Variants in FHAD1 observed in about 807,000 individuals in gnomAD.
FHAD1 encodes forkhead-associated domain-containing protein 1.
In FHAD1, 146 loss-of-function variants were observed where a neutral mutation model predicts 191.3. The observed-to-expected ratio is 0.76, with a 90% CI of 0.67 to 0.88. The LOEUF (loss-of-function observed/expected upper bound fraction) is 0.88, where lower values mean the gene tolerates loss of function less well. Ranked by LOEUF, FHAD1 falls within the 40% of genes least tolerant of loss-of-function variation. The pLI is 0.00. For missense variants in FHAD1, 1,635 were observed against 1,785.8 expected (o/e 0.92, Z 1.52); for synonymous variants, 616 against 672.3 (o/e 0.92, Z 1.29).
chr1:15,336,525 C>A (rs1447709018), intron 14 of FHAD1, among the ~76,000 whole-genome samples: 1 of 152,138 alleles, frequency 6.6e-6, no homozygotes, highest in African/African-American at 2.4e-5. Flanking sequence ...TGCACAAATT[C>A]TTCTTTCTTT....
At chr1:15,374,130 A>G (rs547544025) in intron 26 of FHAD1, among the ~76,000 whole-genome samples, 1 of 152,208 alleles carries the variant, frequency 6.6e-6, no homozygotes, top group Non-Finnish European at 1.5e-5. Flanking sequence ...AGAAAGCATC[A>G]TGGGTTCTCA....
intron 3 of FHAD1, among the ~76,000 whole-genome samples, chr1:15,278,822 T>C (rs2101548275): frequency 6.6e-6 from 1 of 152,338 alleles, no homozygotes; most frequent in African/African-American, 2.4e-5. Flanking sequence ...TGTATATGCA[T>C]TTGCATATAT....
intron 26 of FHAD1, among the ~76,000 whole-genome samples, chr1:15,373,533 G>A (rs1041881673): frequency 6.6e-6 from 1 of 151,318 alleles, no homozygotes; most frequent in Non-Finnish European, 1.5e-5. Flanking sequence ...GGTGAAAAAG[G>A]CCTTTCTTTG....
intron 2 of FHAD1, among the ~76,000 whole-genome samples, chr1:15,267,783 AAAT>A (rs199998507): frequency 0.16 from 23,019 of 147,068 alleles, 2,154 homozygotes; most frequent in Middle Eastern, 0.23. Flanking sequence ...ATAATATATA[AAAT>A]AATAATATAA....
downstream of FHAD1, among the ~76,000 whole-genome samples, chr1:15,398,747 C>G (rs1706723510): frequency 6.6e-6 from 1 of 151,650 alleles, no homozygotes; most frequent in Non-Finnish European, 1.5e-5. Context: ...CTCCATCTAT[C>G]CGTGCCCTCA....
At chr1:15,238,250 GAAAAA>G (rs35058576) in intron 1 of FHAD1, among the ~76,000 whole-genome samples, 1 of 96,902 alleles carries the variant, frequency 1.0e-5, no homozygotes, top group African/African-American at 4.0e-5. Flanking sequence ...CCATCTCAAG[GAAAAA>G]AAAAAAAAAA....
chr1:15,367,683 A>T, intron 25 of FHAD1, 61 bp downstream of exon 25: 1 of 1,396,974 alleles, frequency 7.2e-7, no homozygotes. Flanking sequence ...GCCGCTGAGT[A>T]TTGCAGAGAG....
At position 15,375,565 on chromosome 1, in the gene FHAD1, T is replaced by C. The variant is rs751531515; in HGVS notation, c.3578-38T>C. 41 of 1,490,404 alleles carry C rather than the reference T, an allele frequency of 2.8e-5. No homozygotes were observed. In the South Asian group the frequency reaches 4.5e-4, roughly 16 times the overall value. 92.3% of individuals were successfully genotyped at this position (1,490,404 alleles called of 1,614,324 possible). A position where few individuals can be genotyped will look rare whatever the true frequency, so the allele number is the denominator to read the frequency against. ...GTTATTACATGAAACAACTTCTTCC[T>C]GAGCCTTTCTTTTGAGTCTACTTTA... On this transcript the variant is annotated intron_variant, in intron 27 of 33. Coordinates refer to ENST00000688493, the MANE Select transcript of FHAD1 (RefSeq NM_001391957.1).
At chr1:15,397,190 C>CAAA in intron 33 of FHAD1, 107 bp from the exon 34 acceptor site, 2 of 433,580 alleles carry the variant, frequency 4.6e-6, no homozygotes, top group Non-Finnish European at 7.9e-6. Flanking sequence ...GACTCCGTCT[C>CAAA]AAAAAAAAAA....
Position 15,388,145 on chromosome 1 carries a change from T to C in FHAD1, c.4269+14T>C, listed in dbSNP as rs749247633. 191 of 1,283,688 alleles carry C rather than the reference T, an allele frequency of 1.5e-4. No individual in the cohort carries two copies. The highest frequency in any genetic ancestry group is 1.9e-4 in the Non-Finnish European group (190 of 983,690). The allele number at this position is 1,283,688 out of a possible 1,614,324, so 79.5% of individuals were successfully genotyped here. On this transcript the variant is annotated intron_variant, in intron 32 of 33. Transcript: ENST00000688493. ...AAAGACAGGCAGGTATGGGAGGTGT[T>C]CTGATGTTGCAGACACAGAGTAGAG...
chr1:15,252,538 T>TAG (rs199890286), intron 2 of FHAD1, among the ~76,000 whole-genome samples: 2,242 of 152,272 alleles, frequency 0.015, 46 homozygotes, highest in African/African-American at 0.051. Context: ...TAGTCCTCAG[T>TAG]CTGGTCCGGT....
chr1:15,279,984 G>T (rs978334521), intron 3 of FHAD1, among the ~76,000 whole-genome samples: 1 of 152,208 alleles, frequency 6.6e-6, no homozygotes, highest in African/African-American at 2.4e-5. Context: ...GTAAGAAAAT[G>T]ATGAATAATC....
At position 15,296,581 on chromosome 1, in the gene FHAD1, A is replaced by G. The variant is rs141215128; in HGVS notation, c.569-103A>G. The G allele has an allele frequency of 2.1e-4, 227 of 1,083,450 alleles. No homozygotes were observed. In the African/African-American group the frequency reaches 2.8e-3, roughly 13 times the overall value. 67.1% of individuals were successfully genotyped at this position (1,083,450 alleles called of 1,614,324 possible). A position where few individuals can be genotyped will look rare whatever the true frequency, so the allele number is the denominator to read the frequency against. The stretch of plus-strand genomic sequence containing the variant: ...AATTTTTAAATTACATAAAATATCA[A>G]TCTCTGGGGGGAAACAAACAGGAAG... On this transcript the variant is annotated intron_variant, in intron 4 of 33. Transcript: ENST00000688493.
chr1:15,377,134 C>T (rs951276306), intron 28 of FHAD1, among the ~76,000 whole-genome samples: 6 of 152,158 alleles, frequency 3.9e-5, no homozygotes, highest in South Asian at 4.2e-4. Flanking sequence ...CAGGACCCGC[C>T]GAGGGCACGT....
chr1:15,326,678 T>C (rs1277385008), intron 11 of FHAD1: 2 of 167,418 alleles, frequency 1.2e-5, no homozygotes, highest in African/African-American at 2.4e-5. Flanking sequence ...CACAATTTAC[T>C]TGGACTGACA....
chr1:15,290,592 G>A (rs1027537166), intron 4 of FHAD1, among the ~76,000 whole-genome samples: 1 of 152,008 alleles, frequency 6.6e-6, no homozygotes. Context: ...GTGTCTCCAC[G>A]GTTTACATCA....
chr1:15,241,749 C>T (rs1028136230), intron 1 of FHAD1, among the ~76,000 whole-genome samples: 1 of 152,012 alleles, frequency 6.6e-6, no homozygotes. Context: ...TGGGTCATGA[C>T]TGGAAGGGGT....
intron 3 of FHAD1, among the ~76,000 whole-genome samples, chr1:15,279,198 C>T (rs1015603101): frequency 6.6e-6 from 1 of 152,164 alleles, no homozygotes; most frequent in African/African-American, 2.4e-5. Context: ...AGTCAGAACT[C>T]GCATTAACAC....
At chr1:15,281,802 G>A (rs1173139509) in intron 3 of FHAD1, among the ~76,000 whole-genome samples, 1 of 151,390 alleles carries the variant, frequency 6.6e-6, no homozygotes, top group Non-Finnish European at 1.5e-5. Flanking sequence ...GGAGGAAGGG[G>A]GCATTGATTA....
Sources: gnomAD v4.1 joint callset for allele counts (sites outside exome capture counted in the v4.1 genomes callset) on GRCh38, gnomAD v4.1.1 for gene constraint, MANE v1.5 for transcripts, NCBI Gene and HGNC (gene_info 2026-07-23, HGNC 2026-07-21) for gene names.